Variants in KAZN observed in about 807,000 individuals in gnomAD.
KAZN encodes kazrin, periplakin interacting protein.
KAZN carries 40 observed loss-of-function variants against 87.4 expected under a neutral mutation model. The ratio of observed to expected loss-of-function variants is 0.46; its 90% CI spans 0.36 to 0.60. The LOEUF (loss-of-function observed/expected upper bound fraction) is 0.60. Ranked by LOEUF, KAZN falls within the 20% of genes least tolerant of loss-of-function variation. The probability of loss-of-function intolerance (pLI) is 0.00; values close to 1 mark genes in which losing one functional copy is unlikely to be tolerated. For missense variants in KAZN, 898 were observed against 1,073.9 expected (o/e 0.84, Z 2.29); for synonymous variants, 466 against 458.3 (o/e 1.02, Z -0.22).
chr1:13,970,287 C>T (rs1246770801), intron 1 of KAZN, among the ~76,000 whole-genome samples: 4 of 152,196 alleles, frequency 2.6e-5, no homozygotes, highest in African/African-American at 9.7e-5. Flanking sequence ...CTGACAAGGA[C>T]TGATAATAGC....
chr1:14,717,805 C>T (rs556854197), intron 1 of KAZN, among the ~76,000 whole-genome samples: 19 of 152,342 alleles, frequency 1.2e-4, no homozygotes, highest in African/African-American at 4.3e-4. Context: ...GACCTCACAG[C>T]TGGGCTTGGC....
At chr1:14,123,683 C>G (rs946846164) in intron 1 of KAZN, among the ~76,000 whole-genome samples, 1 of 152,202 alleles carries the variant, frequency 6.6e-6, no homozygotes, top group Non-Finnish European at 1.5e-5. Context: ...GGGACTGCAG[C>G]CTCCCTTCAA....
intron 2 of KAZN, among the ~76,000 whole-genome samples, chr1:14,968,359 A>G (rs1256012419): frequency 2.0e-5 from 3 of 152,152 alleles, no homozygotes; most frequent in Non-Finnish European, 4.4e-5. Context: ...AGCTGTAAAT[A>G]CAGATGAAAC....
intron 2 of KAZN, among the ~76,000 whole-genome samples, chr1:14,571,138 T>G (rs1157383700): frequency 1.3e-5 from 2 of 152,354 alleles, no homozygotes; most frequent in African/African-American, 4.8e-5. Flanking sequence ...ATTTTTTTAT[T>G]TGTTTTTTTA....
intron 1 of KAZN, among the ~76,000 whole-genome samples, chr1:13,951,455 A>G (rs759137428): frequency 8.5e-5 from 13 of 152,114 alleles, no homozygotes; most frequent in Non-Finnish European, 1.5e-4. Flanking sequence ...ATGGCCCCAA[A>G]GTATGCCTGT....
chr1:14,904,496 G>A (rs183595206), intron 1 of KAZN, among the ~76,000 whole-genome samples: 1 of 152,312 alleles, frequency 6.6e-6, no homozygotes, highest in East Asian at 1.9e-4. Context: ...CTGCCACATG[G>A]ACGTCAGCTT....
intron 2 of KAZN, among the ~76,000 whole-genome samples, chr1:15,007,070 A>AAG: frequency 6.6e-6 from 1 of 150,860 alleles, no homozygotes; most frequent in South Asian, 2.1e-4. Flanking sequence ...AAAAAAAAAA[A>AAG]AAAAAAAGAA....
At chr1:13,958,818 G>A (rs924060748) in intron 1 of KAZN, among the ~76,000 whole-genome samples, 4 of 152,050 alleles carry the variant, frequency 2.6e-5, no homozygotes, top group Admixed American at 6.5e-5. Context: ...AATGTGGCTG[G>A]AGCCAAGGCG....
At chr1:14,277,983 T>C (rs1215504722) in intron 2 of KAZN, among the ~76,000 whole-genome samples, 1 of 151,900 alleles carries the variant, frequency 6.6e-6, no homozygotes, top group Non-Finnish European at 1.5e-5. Flanking sequence ...ATTTACATTC[T>C]TAGGCAGTTG....
At chr1:14,323,536 T>C (rs552961171) in intron 2 of KAZN, among the ~76,000 whole-genome samples, 3 of 152,242 alleles carry the variant, frequency 2.0e-5, no homozygotes, top group South Asian at 4.1e-4. Context: ...AACTAGAACA[T>C]TCCAGCCCAT....
At chr1:14,128,850 C>T (rs965845721) in intron 1 of KAZN, among the ~76,000 whole-genome samples, 1 of 152,150 alleles carries the variant, frequency 6.6e-6, no homozygotes, top group African/African-American at 2.4e-5. Context: ...AGGAAATCTC[C>T]ATTTTCATCT....
chr1:14,905,180 T>A (rs58913437), intron 1 of KAZN, among the ~76,000 whole-genome samples: 2 of 152,178 alleles, frequency 1.3e-5, no homozygotes, highest in African/African-American at 4.8e-5. Context: ...TGTCTCAGCC[T>A]CCTGAGTAGC....
chr1:15,035,941 A>T (rs1672215156), intron 3 of KAZN, among the ~76,000 whole-genome samples: 1 of 152,122 alleles, frequency 6.6e-6, no homozygotes, highest in South Asian at 2.1e-4. Context: ...CAGGTGAATG[A>T]GTCCTTCCCA....
At chr1:14,768,580 A>C (rs1303564620) in intron 1 of KAZN, among the ~76,000 whole-genome samples, 1 of 152,208 alleles carries the variant, frequency 6.6e-6, no homozygotes, top group African/African-American at 2.4e-5. Flanking sequence ...AAGGTCTCCC[A>C]GCCCTCCCTA....
rs563677196 is a variant in KAZN at position 13,954,813 on chromosome 1, T to A, written c.91+61057T>A. On this transcript the variant is annotated intron_variant, in intron 1 of 16. Transcript: ENST00000636203. ...TTCTTTTTAGTTTTCTTGAGGGGGT[T>A]GGACTTTTTTCTTTTTTTACTTTCT... Among the ~76,000 whole-genome samples the A allele has an allele frequency of 5.8e-4, 89 of 152,348 alleles. 1 individual carries two copies. In the South Asian group the frequency reaches 0.018, roughly 30 times the overall value.
chr1:14,662,509 C>A (rs12069150), intron 1 of KAZN, among the ~76,000 whole-genome samples: 7,068 of 152,186 alleles, frequency 0.046, 265 homozygotes, highest in African/African-American at 0.091. Flanking sequence ...CATCAGGTCC[C>A]AGGCACCATT....
intron 2 of KAZN, among the ~76,000 whole-genome samples, chr1:15,013,443 A>G (rs568045704): frequency 8.5e-5 from 13 of 152,168 alleles, no homozygotes; most frequent in Non-Finnish European, 1.5e-4. Flanking sequence ...GGATCTGGCA[A>G]TGTGACAGTT....
intron 1 of KAZN, among the ~76,000 whole-genome samples, chr1:14,625,824 G>A (rs902905568): frequency 1.3e-5 from 2 of 152,174 alleles, no homozygotes; most frequent in African/African-American, 4.8e-5. Context: ...CAATTTCCCC[G>A]GAAACGAGAG....
chr1:15,055,132 C>T (rs1014181554), intron 4 of KAZN, among the ~76,000 whole-genome samples: 10 of 152,160 alleles, frequency 6.6e-5, no homozygotes, highest in East Asian at 1.9e-4. Flanking sequence ...TTCTTACAAT[C>T]GGACTTGAAT....
Sources: allele counts gnomAD v4.1 joint callset (sites outside exome capture counted in the v4.1 genomes callset), GRCh38; gene constraint gnomAD v4.1.1; transcripts MANE v1.5; gene names NCBI Gene and HGNC (gene_info 2026-07-23, HGNC 2026-07-21).